The following KLHL2 variants were observed in gnomAD, a reference collection of about 807,000 sequenced individuals.
The protein encoded by KLHL2 is kelch like family member 2, also known as kelch-like protein 2.
A neutral mutation model predicts 75.8 loss-of-function variants in KLHL2; 15 were observed. That is an observed-to-expected ratio of 0.20 (90% CI 0.13 to 0.30). The LOEUF is 0.30. Among genes scored for constraint, KLHL2 ranks in the 10% least tolerant of loss-of-function variants. KLHL2 has a pLI of 1.00. For missense variants in KLHL2, 381 were observed against 741.0 expected (o/e 0.51, Z 5.64); for synonymous variants, 214 against 251.9 (o/e 0.85, Z 1.42).
intron 4 of KLHL2, among the ~76,000 whole-genome samples, chr4:165,245,918 C>T (rs1170271413): frequency 6.6e-6 from 1 of 151,994 alleles, no homozygotes; most frequent in East Asian, 1.9e-4. Context: ...CAATAGTTTA[C>T]TAAATATTTA....
Position 165,305,672 on chromosome 4 carries a change from A to G in KLHL2, c.986A>G (p.Lys329Arg), listed in dbSNP as rs1745673763. ...AIRSVECYDF[K>R]EERWHQVAEL... is the part of the protein sequence containing the mutation. ...CGGAGTGTGGAATGCTATGACTTTA[A>G]AGAAGAAAGGTGGCACCAAGTAGCA... The change falls in exon 9 of 15, where the codon AAA (lysine) becomes AGA (arginine). Residue 329 changes from lysine (K) to arginine (R), a missense_variant. Physicochemically the swap from Lys to Arg is conservative, Grantham distance 26. Transcript: ENST00000226725. The G allele has an allele frequency of 6.2e-7, 1 of 1,614,046 alleles. No homozygotes were observed. Among genetic ancestry groups the G allele is most frequent in the Non-Finnish European group, 8.5e-7 (1 of 1,180,026 alleles).
chr4:165,320,778 T>C (rs1746915493), intron 14 of KLHL2, among the ~76,000 whole-genome samples: 1 of 152,244 alleles, frequency 6.6e-6, no homozygotes, highest in Non-Finnish European at 1.5e-5. Flanking sequence ...ACAGGAGTTA[T>C]GACAGAGCCA....
chr4:165,294,509 C>CT, intron 6 of KLHL2, 41 bp downstream of exon 6: 1 of 1,116,880 alleles, frequency 9.0e-7, no homozygotes, highest in Non-Finnish European at 1.3e-6. Flanking sequence ...ATGATGTTTC[C>CT]CTTTTTTTTT....
intron 9 of KLHL2, among the ~76,000 whole-genome samples, chr4:165,310,326 A>G (rs1406924625): frequency 6.6e-6 from 1 of 152,238 alleles, no homozygotes; most frequent in Non-Finnish European, 1.5e-5. Flanking sequence ...CTCCGTCTCA[A>G]AATAAAGAAA....
Position 165,322,557 on chromosome 4 carries a change from G to T in KLHL2, c.*497G>T, listed in dbSNP as rs1747061550. 1 of 152,728 alleles carries T rather than the reference G, an allele frequency of 6.5e-6. No individual in the cohort carries two copies. Among genetic ancestry groups the T allele is most frequent in the African/African-American group, 2.4e-5 (1 of 41,436 alleles). 9.5% of individuals were successfully genotyped at this position (152,728 alleles called of 1,614,324 possible). A position where few individuals can be genotyped will look rare whatever the true frequency, so the allele number is the denominator to read the frequency against. On this transcript the variant is annotated 3_prime_UTR_variant, in exon 15 of 15. Coordinates refer to ENST00000226725, the MANE Select transcript of KLHL2 (RefSeq NM_007246.4). ...TTTTATAAAATAACTTTGATTACAT[G>T]AATATAATAAATTATGTGCATATAA...
intron 5 of KLHL2, among the ~76,000 whole-genome samples, chr4:165,280,437 G>A (rs539720350): frequency 7.2e-5 from 11 of 152,198 alleles, no homozygotes; most frequent in East Asian, 5.8e-4. Context: ...AATAAACATC[G>A]GTTAGAATAA....
At chr4:165,224,227 TAA>T (rs374702315) in intron 2 of KLHL2, among the ~76,000 whole-genome samples, 1 of 124,778 alleles carries the variant, frequency 8.0e-6, no homozygotes, top group African/African-American at 3.0e-5. Context: ...TAAAATAAAT[TAA>T]AAAAAAAAAA....
At chr4:165,221,477 C>T (rs1300268793) in intron 2 of KLHL2, among the ~76,000 whole-genome samples, 2 of 152,088 alleles carry the variant, frequency 1.3e-5, no homozygotes, top group South Asian at 2.1e-4. Flanking sequence ...CTGGCCTCAT[C>T]GGAGGAACTG....
chr4:165,250,902 G>T (rs1388464418), intron 4 of KLHL2, among the ~76,000 whole-genome samples: 1 of 152,106 alleles, frequency 6.6e-6, no homozygotes, highest in Non-Finnish European at 1.5e-5. Flanking sequence ...TTGGCATGGA[G>T]ACCACACTCG....
intron 3 of KLHL2, among the ~76,000 whole-genome samples, 172 bp downstream of exon 3, chr4:165,229,085 G>A (rs1264596353): frequency 6.6e-6 from 1 of 152,064 alleles, no homozygotes; most frequent in Non-Finnish European, 1.5e-5. Flanking sequence ...TTGCATTGTT[G>A]GAGGTCAGTA....
intron 5 of KLHL2, among the ~76,000 whole-genome samples, chr4:165,265,594 T>A (rs575744665): frequency 9.9e-5 from 15 of 152,156 alleles, no homozygotes; most frequent in African/African-American, 3.6e-4. Context: ...ATAAAACGTG[T>A]ACACGAGCAC....
intron 1 of KLHL2, among the ~76,000 whole-genome samples, chr4:165,211,116 G>C (rs1191353577): frequency 6.6e-6 from 1 of 152,128 alleles, no homozygotes; most frequent in South Asian, 2.1e-4. Context: ...GCAGAAAATT[G>C]GTTGGATTAG....
chr4:165,240,049 A>G (rs551258213), intron 4 of KLHL2, among the ~76,000 whole-genome samples: 16 of 152,292 alleles, frequency 1.1e-4, no homozygotes, highest in African/African-American at 3.8e-4. Flanking sequence ...ACATTTTTAT[A>G]TTTGCATCCC....
chr4:165,313,375 G>C lies in KLHL2; in HGVS notation c.1468+9G>C, dbSNP rs1214649877. ...CAGGCGGAGTGGAGCAGGTACATGTGAACCTGTTTTAGCAACTGAAGCACA... is the reference window on the plus strand; with the variant it reads ...CAGGCGGAGTGGAGCAGGTACATGTCAACCTGTTTTAGCAACTGAAGCACA... On this transcript the variant is annotated intron_variant, in intron 12 of 14. Transcript: ENST00000226725. 2 of 1,483,588 alleles carry C rather than the reference G, an allele frequency of 1.3e-6. No individual in the cohort carries two copies. Among genetic ancestry groups the C allele is most frequent in the South Asian group, 2.7e-5 (2 of 72,800 alleles). The allele number at this position is 1,483,588 out of a possible 1,614,324, so 91.9% of individuals were successfully genotyped here. A position where few individuals can be genotyped will look rare whatever the true frequency, so the allele number is the denominator to read the frequency against.
chr4:165,208,771 C>G (rs1403338250), intron 1 of KLHL2, among the ~76,000 whole-genome samples: 1 of 152,036 alleles, frequency 6.6e-6, no homozygotes, highest in African/African-American at 2.4e-5. Flanking sequence ...AACAAGAGTC[C>G]TTTGAATCTG....
chr4:165,295,746 A>G (rs1744861700), intron 6 of KLHL2, among the ~76,000 whole-genome samples: 1 of 152,226 alleles, frequency 6.6e-6, no homozygotes, highest in Admixed American at 6.5e-5. Flanking sequence ...AGCAGAATAT[A>G]CAAATGTAAA....
At chr4:165,265,979 C>G (rs1302999248) in intron 5 of KLHL2, among the ~76,000 whole-genome samples, 1 of 152,138 alleles carries the variant, frequency 6.6e-6, no homozygotes, top group African/African-American at 2.4e-5. Flanking sequence ...CTATCCAGCA[C>G]CTGTTGTTTT....
At chr4:165,269,965 G>A (rs1430253795) in intron 5 of KLHL2, among the ~76,000 whole-genome samples, 2 of 152,102 alleles carry the variant, frequency 1.3e-5, no homozygotes, top group African/African-American at 2.4e-5. Context: ...CCAATCAAAC[G>A]TATATTTGGT....
At chr4:165,234,779 T>G (rs1739194618) in intron 3 of KLHL2, among the ~76,000 whole-genome samples, 1 of 151,816 alleles carries the variant, frequency 6.6e-6, no homozygotes, top group Non-Finnish European at 1.5e-5. Flanking sequence ...GGAAATGTTT[T>G]TAGCCATATA....
Sources: allele counts gnomAD v4.1 joint callset (sites outside exome capture counted in the v4.1 genomes callset), GRCh38; gene constraint gnomAD v4.1.1; transcripts MANE v1.5; gene names NCBI Gene and HGNC (gene_info 2026-07-23, HGNC 2026-07-21).